Variants in CSMD1 observed in about 807,000 individuals in gnomAD.
CSMD1 encodes CUB and sushi domain-containing protein 1.
CSMD1 carries 213 observed loss-of-function variants against 417.5 expected under a neutral mutation model. The observed-to-expected ratio is 0.51, with a 90% confidence interval of 0.46 to 0.57. CSMD1 has a LOEUF of 0.57. Among genes scored for constraint, CSMD1 ranks in the 20% least tolerant of loss-of-function variants. The pLI is 0.00. For missense variants in CSMD1, 6,923 were observed against 4,529.7 expected, an observed-to-expected ratio of 1.53 and a Z score of -15.17; for synonymous variants, 2,862 against 1,736.8, an observed-to-expected ratio of 1.65 and a Z score of -16.11.
chr8:3,792,274 CAG>C (rs1799793903), intron 5 of CSMD1, among the ~76,000 whole-genome samples: 1 of 152,034 alleles, frequency 6.6e-6, no homozygotes, highest in South Asian at 2.1e-4. Flanking sequence ...GCCTGGGTGA[CAG>C]AGAGAGACCT....
At chr8:3,499,724 G>A (rs779362561) in intron 10 of CSMD1, among the ~76,000 whole-genome samples, 1 of 151,972 alleles carries the variant, frequency 6.6e-6, no homozygotes, top group East Asian at 1.9e-4. Flanking sequence ...CTGGGTTCAG[G>A]TTTGTGTCAC....
chr8:4,805,320 C>T (rs1277453168), intron 1 of CSMD1, among the ~76,000 whole-genome samples: 1 of 152,210 alleles, frequency 6.6e-6, no homozygotes, highest in Non-Finnish European at 1.5e-5. Flanking sequence ...TTATAGAACA[C>T]TTCAATATCC....
rs528043481 is a variant in CSMD1, at chr8:4,026,730, T to C, written c.610+5175A>G. 2.6e-5 allele frequency among the ~76,000 whole-genome samples: 4 copies of C among 152,338 alleles called. No individual in the cohort carries two copies. The South Asian group carries it at 8.3e-4, about 32-fold the overall frequency. ...AGAGATCAAGGGACTTCTTTTTTCC[T>C]TAAAGAAACTGTAATAAGGGGTTGT... On this transcript the variant is annotated intron_variant, in intron 4 of 69. Coordinates refer to ENST00000635120, the MANE Select transcript of CSMD1 (RefSeq NM_033225.6).
chr8:4,328,611 T>A (rs774511267), intron 3 of CSMD1, among the ~76,000 whole-genome samples: 1 of 151,980 alleles, frequency 6.6e-6, no homozygotes, highest in Non-Finnish European at 1.5e-5. Context: ...CATTTTGTTT[T>A]GAAATATTTA....
At chr8:4,058,212 A>C (rs886742462) in intron 3 of CSMD1, among the ~76,000 whole-genome samples, 1 of 151,950 alleles carries the variant, frequency 6.6e-6, no homozygotes, top group Non-Finnish European at 1.5e-5. Flanking sequence ...TATTTCATTG[A>C]GCAGTGGTTT....
In CSMD1 at chr8:3,257,973, G is replaced by C. The variant is rs1026977591; in HGVS notation, c.4153+26171C>G. ...AGGACAGACCATGGAGAGGCCGTGAGACCAGGTGGAAGGCTATTGCAGGGG... is the reference window on the plus strand; with the variant it reads ...AGGACAGACCATGGAGAGGCCGTGACACCAGGTGGAAGGCTATTGCAGGGG... On this transcript the variant is annotated intron_variant, in intron 26 of 69. Coordinates refer to ENST00000635120, the MANE Select transcript of CSMD1 (RefSeq NM_033225.6). Among the ~76,000 whole-genome samples the C allele has an allele frequency of 2.4e-4, 37 of 152,300 alleles. 1 individual carries two copies. The highest frequency in any genetic ancestry group is 1.2e-3 in the East Asian group (6 of 5,172).
chr8:3,058,927 G>C (rs144182103), intron 49 of CSMD1, among the ~76,000 whole-genome samples: 1 of 152,190 alleles, frequency 6.6e-6, no homozygotes, highest in African/African-American at 2.4e-5. Flanking sequence ...ACCCCTTGCT[G>C]CTTCTCTGAA....
chr8:3,262,040 C>A (rs189463898), intron 26 of CSMD1, among the ~76,000 whole-genome samples: 1 of 151,510 alleles, frequency 6.6e-6, no homozygotes, highest in East Asian at 1.9e-4. Context: ...TTATTTGTTG[C>A]CACTCTAAGT....
At chr8:4,896,380 T>A (rs888730360) in intron 1 of CSMD1, among the ~76,000 whole-genome samples, 8 of 152,112 alleles carry the variant, frequency 5.3e-5, no homozygotes, top group Admixed American at 1.3e-4. Context: ...GCTTTTGCAT[T>A]TTCAAAATTA....
chr8:3,525,354 G>T (rs540983221), intron 10 of CSMD1, among the ~76,000 whole-genome samples: 20 of 152,246 alleles, frequency 1.3e-4, no homozygotes, highest in African/African-American at 4.3e-4. Context: ...ACTCTGGGAG[G>T]CAGGATAAGG....
intron 1 of CSMD1, among the ~76,000 whole-genome samples, chr8:4,991,465 C>T (rs765801086): frequency 8.5e-5 from 13 of 152,314 alleles, no homozygotes; most frequent in South Asian, 2.1e-4. Context: ...TCCAGCCTCA[C>T]GACTCCGCAA....
chr8:3,589,998 A>G (rs1800778120), intron 8 of CSMD1, among the ~76,000 whole-genome samples: 1 of 152,194 alleles, frequency 6.6e-6, no homozygotes, highest in Non-Finnish European at 1.5e-5. Flanking sequence ...AGAGTGTCCA[A>G]CAACAGGACT....
chr8:3,318,164 T>C (rs545318218), intron 23 of CSMD1, among the ~76,000 whole-genome samples: 15 of 152,362 alleles, frequency 9.8e-5, no homozygotes, highest in East Asian at 5.8e-4. Flanking sequence ...AAATTATATA[T>C]AGTACCTTAG....
intron 1 of CSMD1, among the ~76,000 whole-genome samples, chr8:4,785,877 GC>G (rs1178403507): frequency 6.6e-6 from 1 of 152,062 alleles, no homozygotes; most frequent in Non-Finnish European, 1.5e-5. Context: ...ACACAACGGG[GC>G]CTGGATTTTA....
chr8:4,602,583 C>G (rs1800649617), intron 2 of CSMD1, among the ~76,000 whole-genome samples: 1 of 152,138 alleles, frequency 6.6e-6, no homozygotes, highest in Admixed American at 6.6e-5. Flanking sequence ...TTTAACGTGC[C>G]TACAAGTAAA....
At chr8:4,149,803 A>C (rs554335036) in intron 3 of CSMD1, among the ~76,000 whole-genome samples, 2 of 152,334 alleles carry the variant, frequency 1.3e-5, no homozygotes, top group South Asian at 4.1e-4. Flanking sequence ...TCACTTGAGA[A>C]TTTCCTATTA....
At chr8:4,267,517 G>C (rs900332119) in intron 3 of CSMD1, among the ~76,000 whole-genome samples, 1 of 151,640 alleles carries the variant, frequency 6.6e-6, no homozygotes, top group Non-Finnish European at 1.5e-5. Context: ...AGTAAGTATT[G>C]ATCCCAGCTA....
chr8:4,152,848 G>C (rs1332251759), intron 3 of CSMD1, among the ~76,000 whole-genome samples: 2 of 152,268 alleles, frequency 1.3e-5, no homozygotes, highest in South Asian at 2.1e-4. Context: ...GTATGTGCAT[G>C]TGTATTTATG....
chr8:3,515,516 G>T (rs931394213), intron 10 of CSMD1, among the ~76,000 whole-genome samples: 4 of 150,120 alleles, frequency 2.7e-5, no homozygotes, highest in Non-Finnish European at 5.9e-5. Context: ...ATAAAAAAAT[G>T]GTTGGCAACT....
Sources: allele counts gnomAD v4.1 joint callset (sites outside exome capture counted in the v4.1 genomes callset), GRCh38; gene constraint gnomAD v4.1.1; transcripts MANE v1.5; gene names NCBI Gene and HGNC (gene_info 2026-07-23, HGNC 2026-07-21).